The following MTUS1 variants were observed in gnomAD, a reference collection of about 807,000 sequenced individuals.
The protein encoded by MTUS1 is microtubule-associated tumor suppressor 1.
MTUS1 carries 109 observed loss-of-function variants against 120.8 expected under a neutral mutation model. That is an observed-to-expected ratio of 0.90 (90% CI 0.77 to 1.06). The LOEUF (loss-of-function observed/expected upper bound fraction) is 1.06. MTUS1 is among the 50% of genes least tolerant of loss of function. The probability of loss-of-function intolerance (pLI) is 0.00; values close to 1 mark genes in which losing one functional copy is unlikely to be tolerated. For missense variants in MTUS1, 2,210 were observed against 1,486.3 expected (o/e 1.49, Z -8.01); for synonymous variants, 737 against 550.5 (o/e 1.34, Z -4.74).
At chr8:17,746,031 A>G (rs993966704) in intron 2 of MTUS1, among the ~76,000 whole-genome samples, 1 of 152,190 alleles carries the variant, frequency 6.6e-6, no homozygotes, top group African/African-American at 2.4e-5. Flanking sequence ...CATACAAGAC[A>G]TTGCAGCCTT....
intron 1 of MTUS1, among the ~76,000 whole-genome samples, chr8:17,784,199 C>A (rs1190862511): frequency 6.6e-6 from 1 of 152,076 alleles, no homozygotes; most frequent in East Asian, 1.9e-4. Flanking sequence ...TTAACTGAAT[C>A]CACATTTACA....
At chr8:17,732,434 G>A (rs1002795245) in intron 3 of MTUS1, among the ~76,000 whole-genome samples, 1 of 152,168 alleles carries the variant, frequency 6.6e-6, no homozygotes, top group Non-Finnish European at 1.5e-5. Context: ...TACGTTCCTG[G>A]CTGTTCCTTC....
chr8:17,669,329 A>C (rs533034190), intron 8 of MTUS1, among the ~76,000 whole-genome samples: 1 of 152,122 alleles, frequency 6.6e-6, no homozygotes, highest in Non-Finnish European at 1.5e-5. Flanking sequence ...AGGAGAGTGC[A>C]CTCCAGGCAG....
chr8:17,691,845 C>T (rs979672941), intron 6 of MTUS1: 1 of 152,158 alleles, frequency 6.6e-6, no homozygotes, highest in Non-Finnish European at 1.5e-5. Context: ...ATAACACATC[C>T]ATAAATGCGC....
intron 6 of MTUS1, among the ~76,000 whole-genome samples, chr8:17,711,549 G>C (rs2979810): frequency 6.6e-6 from 1 of 152,160 alleles, no homozygotes; most frequent in East Asian, 1.9e-4. Flanking sequence ...CGAAGTGAAA[G>C]TTGCAGCTGG....
chr8:17,744,689 C>CTTT (rs58283163), intron 2 of MTUS1, among the ~76,000 whole-genome samples: 7 of 99,016 alleles, frequency 7.1e-5, no homozygotes, highest in Admixed American at 3.4e-4. Context: ...ACCATGTTTT[C>CTTT]TTTTTTTTTT....
intron 8 of MTUS1, among the ~76,000 whole-genome samples, chr8:17,656,453 G>A (rs971451273): frequency 2.0e-5 from 3 of 151,274 alleles, no homozygotes; most frequent in East Asian, 3.9e-4. Context: ...GCTTGAACCC[G>A]GGAGGCGGAG....
chr8:17,722,466 G>A (rs757391195), intron 4 of MTUS1: 4 of 985,144 alleles, frequency 4.1e-6, no homozygotes, highest in Non-Finnish European at 4.8e-6. Flanking sequence ...CTGATTTTGT[G>A]CCACACCTTC....
intron 3 of MTUS1, among the ~76,000 whole-genome samples, chr8:17,737,344 G>C (rs1395910773): frequency 3.3e-5 from 5 of 152,222 alleles, no homozygotes; most frequent in African/African-American, 1.2e-4. Flanking sequence ...AGAGGGCTTA[G>C]CACTGTGCTT....
At chr8:17,717,329 G>C (rs1159051603) in intron 4 of MTUS1, among the ~76,000 whole-genome samples, 1 of 152,164 alleles carries the variant, frequency 6.6e-6, no homozygotes, top group Non-Finnish European at 1.5e-5. Context: ...GCTAATGGGA[G>C]TGACAGTATT....
chr8:17,694,865 T>C (rs988798360), intron 6 of MTUS1, among the ~76,000 whole-genome samples: 7 of 152,132 alleles, frequency 4.6e-5, no homozygotes, highest in African/African-American at 1.4e-4. Flanking sequence ...CAGCCAGAAA[T>C]TCACAGATTT....
intron 1 of MTUS1, among the ~76,000 whole-genome samples, chr8:17,757,962 G>A (rs1468557745): frequency 6.6e-6 from 1 of 152,140 alleles, no homozygotes; most frequent in Non-Finnish European, 1.5e-5. Flanking sequence ...TTTATATTCT[G>A]ATGGAAAGTG....
chr8:17,686,590 C>T (rs1017135241), intron 6 of MTUS1, among the ~76,000 whole-genome samples: 5 of 152,104 alleles, frequency 3.3e-5, no homozygotes, highest in Non-Finnish European at 7.4e-5. Context: ...GTAACATTTG[C>T]CTCTCTTTCT....
chr8:17,760,113 G>A (rs1024690347), intron 1 of MTUS1, among the ~76,000 whole-genome samples: 1 of 150,428 alleles, frequency 6.6e-6, no homozygotes, highest in Non-Finnish European at 1.5e-5. Flanking sequence ...CTGCTCAGAA[G>A]GCTAGGGAGA....
In MTUS1 at chr8:17,685,409, A is replaced by T. The variant is rs1585681568; in HGVS notation, c.2624-867T>A. On this transcript the variant is annotated intron_variant, in intron 6 of 14. Coordinates refer to ENST00000693296, the MANE Select transcript of MTUS1 (RefSeq NM_001363059.2). ...TGGAAAAACAGGACATCAATTGCTT[A>T]GGTTCTTGAAATAAACAAGCCAAGT... Among the ~76,000 whole-genome samples, 2 of 152,290 alleles carry T rather than the reference A, an allele frequency of 1.3e-5. 1 individual carries two copies. Among genetic ancestry groups the T allele is most frequent in the Admixed American group, 1.3e-4 (2 of 15,286 alleles).
intron 7 of MTUS1, among the ~76,000 whole-genome samples, chr8:17,680,418 T>G (rs1467331371): frequency 7.9e-6 from 1 of 126,912 alleles, no homozygotes; most frequent in African/African-American, 3.1e-5. Flanking sequence ...GAGCTGAGAT[T>G]GCGCCACTGC....
chr8:17,739,511 A>AT (rs2047163410), intron 3 of MTUS1, among the ~76,000 whole-genome samples: 3 of 152,112 alleles, frequency 2.0e-5, no homozygotes, highest in African/African-American at 7.2e-5. Context: ...AAATAAATAA[A>AT]TAAATTAATA....
chr8:17,779,925 A>T (rs923827287), intron 1 of MTUS1, among the ~76,000 whole-genome samples: 1 of 152,164 alleles, frequency 6.6e-6, no homozygotes, highest in Non-Finnish European at 1.5e-5. Flanking sequence ...TCAACTGTCA[A>T]TGTGACATCT....
At chr8:17,760,078 C>T (rs1255252177) in intron 1 of MTUS1, among the ~76,000 whole-genome samples, 3 of 144,146 alleles carry the variant, frequency 2.1e-5, no homozygotes, top group African/African-American at 5.1e-5. Context: ...TTTTTTAGCA[C>T]GGTGGTGCAT....
Sources: allele counts gnomAD v4.1 joint callset (sites outside exome capture counted in the v4.1 genomes callset), GRCh38; gene constraint gnomAD v4.1.1; transcripts MANE v1.5; gene names NCBI Gene and HGNC (gene_info 2026-07-23, HGNC 2026-07-21).